Variants in NF1 observed in about 807,000 individuals in gnomAD.
NF1 encodes neurofibromin 1, also known as neurofibromin.
In NF1, 122 loss-of-function variants were observed where a neutral mutation model predicts 325.7. That is an observed-to-expected ratio of 0.37 (90% CI 0.32 to 0.44). The LOEUF is 0.44. NF1 is among the 20% of genes least tolerant of loss of function. The probability of loss-of-function intolerance (pLI) is 1.00; values close to 1 mark genes in which losing one functional copy is unlikely to be tolerated. For synonymous variants in NF1, 1,091 were observed against 1,186.0 expected, an observed-to-expected ratio of 0.92 and a Z score of 1.65; for missense variants, 2,140 against 3,415.4, an observed-to-expected ratio of 0.63 and a Z score of 9.31.
rs796889431 is a variant in NF1 at position 31,280,224 on chromosome 17, TAAA to T, written c.4835+14889_4835+14891del. ...GTTTTTTTTTAATTTTTTTTTTTTT[TAAA>T]AAAGAAAGAAATGTAAGAACCCACA... On this transcript the variant is annotated intron_variant, in intron 36 of 57. Transcript: ENST00000358273. 3.8e-3 allele frequency among the ~76,000 whole-genome samples: 569 copies of T among 150,704 alleles called. 5 individuals are homozygous for T. Among genetic ancestry groups the T allele is most frequent in the African/African-American group, 0.013 (543 of 41,026 alleles).
At chr17:31,221,127 G>C (rs1464249165) in intron 14 of NF1, among the ~76,000 whole-genome samples, 1 of 152,118 alleles carries the variant, frequency 6.6e-6, no homozygotes, top group Non-Finnish European at 1.5e-5. Flanking sequence ...TGTGAATTGG[G>C]ATTGTAGAAT....
At chr17:31,167,162 A>C (rs1235975257) in intron 4 of NF1, among the ~76,000 whole-genome samples, 1 of 152,182 alleles carries the variant, frequency 6.6e-6, no homozygotes, top group African/African-American at 2.4e-5. Context: ...ACAAGAGTCA[A>C]CTTTTCAGAA....
intron 1 of NF1, among the ~76,000 whole-genome samples, chr17:31,141,481 G>A (rs1916212466): frequency 6.6e-6 from 1 of 152,116 alleles, no homozygotes; most frequent in Non-Finnish European, 1.5e-5. Context: ...CTTTTAGTTA[G>A]AATTTAAATG....
chr17:31,190,089 CAAAAAA>C (rs766783457), intron 8 of NF1, among the ~76,000 whole-genome samples: 2 of 98,234 alleles, frequency 2.0e-5, no homozygotes, highest in South Asian at 3.9e-4. Flanking sequence ...AAATGTATTA[CAAAAAA>C]AAAAAAAAAA....
At chr17:31,116,196 A>G (rs575033797) in intron 1 of NF1, among the ~76,000 whole-genome samples, 7 of 152,332 alleles carry the variant, frequency 4.6e-5, no homozygotes, top group Admixed American at 4.6e-4. Context: ...ATTTGTTTCA[A>G]GATACAGATT....
At chr17:31,183,882 GA>G (rs1479618643) in intron 8 of NF1, among the ~76,000 whole-genome samples, 3 of 152,134 alleles carry the variant, frequency 2.0e-5, no homozygotes, top group Admixed American at 6.5e-5. Flanking sequence ...TTTAGTTTTG[GA>G]ACTTGGACTG....
Position 31,182,614 on chromosome 17 carries a change from A to G in NF1, c.837A>G (p.Glu279=). ...LQIILLILCP[E]IIQDISKDVV... The stretch of plus-strand genomic sequence containing the variant: ...TCATTCTCCTTATCTTGTGTCCAGA[A>G]ATAATCCAGGATATATCCAAAGACG... Residue 279 remains glutamate, a synonymous_variant, in exon 8 of 58, where the codon GAA becomes GAG. Coordinates refer to ENST00000358273, the MANE Select transcript of NF1 (RefSeq NM_001042492.3). 2 of 1,614,048 alleles carry G rather than the reference A, an allele frequency of 1.2e-6. No homozygotes were observed. Among genetic ancestry groups the G allele is most frequent in the Non-Finnish European group, 1.7e-6 (2 of 1,179,934 alleles).
chr17:31,283,530 T>C (rs900852867), intron 36 of NF1, among the ~76,000 whole-genome samples: 1 of 152,104 alleles, frequency 6.6e-6, no homozygotes, highest in African/African-American at 2.4e-5. Flanking sequence ...CACAGCTCAC[T>C]ACAGCCTCAG....
At position 31,336,607 on chromosome 17, in the gene NF1, TAA is replaced by T. The variant is rs33925668; in HGVS notation, c.6148-18_6148-17del. 1.4e-6 allele frequency: 2 copies of T among 1,456,546 alleles called. No homozygotes were observed. 90.2% of individuals were successfully genotyped at this position (1,456,546 alleles called of 1,614,324 possible). On this transcript the variant is annotated intron_variant, in intron 41 of 57. Coordinates refer to ENST00000358273, the MANE Select transcript of NF1 (RefSeq NM_001042492.3). This position sits in a 1 kb window ranked among gnomAD's most constrained non-coding sequence, Gnocchi z 5.5. ...ACTTTGAGTCCCATGTTTTTTTTTT[TAA>T]AAAAAAAAATCCTGCTTCTTTACAG...
intron 29 of NF1, among the ~76,000 whole-genome samples, chr17:31,245,140 G>A (rs927719362): frequency 6.6e-6 from 1 of 152,162 alleles, no homozygotes; most frequent in African/African-American, 2.4e-5. Flanking sequence ...ATTTCACAAA[G>A]TAGGCAATTG....
At chr17:31,227,327 GC>G in intron 19 of NF1, 36 bp downstream of exon 19, 2 of 1,603,162 alleles carry the variant, frequency 1.2e-6, no homozygotes, top group Non-Finnish European at 1.7e-6. Context: ...CCTCCCAGGC[GC>G]CCACCCTCAA....
intron 8 of NF1, among the ~76,000 whole-genome samples, chr17:31,193,902 G>C (rs1220959953): frequency 1.3e-5 from 2 of 152,176 alleles, no homozygotes; most frequent in African/African-American, 2.4e-5. Flanking sequence ...TGCTGGCAAA[G>C]GTGTGGAGAT....
chr17:31,159,260 T>C (rs1201810055), intron 3 of NF1, among the ~76,000 whole-genome samples, 167 bp downstream of exon 3: 1 of 152,218 alleles, frequency 6.6e-6, no homozygotes, highest in Non-Finnish European at 1.5e-5. Context: ...AGACAATTTT[T>C]CATGAGAAAA....
chr17:31,182,183 A>C (rs1415724650), intron 7 of NF1, among the ~76,000 whole-genome samples: 1 of 152,216 alleles, frequency 6.6e-6, no homozygotes, highest in Non-Finnish European at 1.5e-5. Context: ...GAACTTTGGT[A>C]ATTCTTTTTG....
intron 1 of NF1, among the ~76,000 whole-genome samples, chr17:31,131,205 C>A (rs1915360480): frequency 6.6e-6 from 1 of 152,204 alleles, no homozygotes; most frequent in African/African-American, 2.4e-5. Flanking sequence ...GCACCAAAAC[C>A]TCTGAGCTCT....
At chr17:31,255,713 A>G (rs1363591871) in intron 31 of NF1, among the ~76,000 whole-genome samples, 1 of 152,204 alleles carries the variant, frequency 6.6e-6, no homozygotes, top group African/African-American at 2.4e-5. Context: ...GCTGAGTACC[A>G]TTAAATCAGG....
chr17:31,271,619 G>T (rs951987006), intron 36 of NF1, among the ~76,000 whole-genome samples: 2 of 151,924 alleles, frequency 1.3e-5, no homozygotes, highest in African/African-American at 4.8e-5. Context: ...GCGTGGTGGT[G>T]GGCATCTGTA....
intron 31 of NF1, chr17:31,254,092 G>A (rs1218272226): frequency 6.6e-6 from 1 of 151,164 alleles, no homozygotes; most frequent in Admixed American, 6.6e-5. Context: ...ATAGCGAGTC[G>A]TCTCTACAAA....
At chr17:31,269,457 T>C (rs990061628) in intron 36 of NF1, among the ~76,000 whole-genome samples, 6 of 152,234 alleles carry the variant, frequency 3.9e-5, no homozygotes, top group African/African-American at 1.4e-4. Context: ...TAAATGATGA[T>C]ACATTTACAT....
Sources: gnomAD v4.1 joint callset for allele counts (sites outside exome capture counted in the v4.1 genomes callset) on GRCh38, gnomAD v4.1.1 for gene constraint, Gnocchi (gnomAD v3.1) non-coding constraint, MANE v1.5 for transcripts, NCBI Gene and HGNC (gene_info 2026-07-23, HGNC 2026-07-21) for gene names.